CTNNA3: variants seen among roughly 807,000 people sequenced by gnomAD.
CTNNA3 encodes catenin alpha 3, also known as catenin alpha-3.
A neutral mutation model predicts 95.7 loss-of-function variants in CTNNA3; 76 were observed. That is an observed-to-expected ratio of 0.79 (90% CI 0.66 to 0.96). The LOEUF is 0.96. CTNNA3 is among the 40% of genes least tolerant of loss of function. The pLI is 0.00. For missense variants in CTNNA3, 1,191 were observed against 1,089.8 expected, an observed-to-expected ratio of 1.09 and a Z score of -1.31; for synonymous variants, 431 against 374.4, an observed-to-expected ratio of 1.15 and a Z score of -1.74.
chr10:66,383,959 A>G (rs1390657129), intron 11 of CTNNA3, among the ~76,000 whole-genome samples: 1 of 152,204 alleles, frequency 6.6e-6, no homozygotes, highest in Non-Finnish European at 1.5e-5. Context: ...TGAAACATGG[A>G]AAGAAACAAC....
chr10:67,477,423 G>A (rs901810778), intron 5 of CTNNA3, among the ~76,000 whole-genome samples: 2 of 152,084 alleles, frequency 1.3e-5, no homozygotes, highest in Non-Finnish European at 2.9e-5. Flanking sequence ...TGAAGCAACA[G>A]AGAGCTTCTC....
chr10:67,134,197 T>C (rs1283221536), intron 7 of CTNNA3, among the ~76,000 whole-genome samples: 2 of 152,088 alleles, frequency 1.3e-5, no homozygotes, highest in East Asian at 3.9e-4. Context: ...GTAAGTAAAT[T>C]AAAGAATTCT....
chr10:67,634,755 T>C (rs73270127), intron 2 of CTNNA3, among the ~76,000 whole-genome samples: 20,219 of 151,612 alleles, frequency 0.13, 2,420 homozygotes, highest in African/African-American at 0.32. Context: ...TGATAAAGGG[T>C]TCAAACTGAC....
At chr10:67,618,024 A>G (rs1843709794) in intron 2 of CTNNA3, among the ~76,000 whole-genome samples, 1 of 152,178 alleles carries the variant, frequency 6.6e-6, no homozygotes, top group African/African-American at 2.4e-5. Context: ...AAGATATTAA[A>G]TTAAGCAAAC....
chr10:66,992,829 C>G (rs910528536), intron 7 of CTNNA3, among the ~76,000 whole-genome samples: 11 of 152,096 alleles, frequency 7.2e-5, no homozygotes, highest in Non-Finnish European at 1.3e-4. Context: ...AATTTTAATG[C>G]CTTTTTAGTG....
chr10:66,197,378 CTAT>C (rs1230255748), intron 13 of CTNNA3, among the ~76,000 whole-genome samples: 1 of 151,564 alleles, frequency 6.6e-6, no homozygotes, highest in African/African-American at 2.4e-5. Context: ...ATCTATCTAT[CTAT>C]CATCTATCTA....
rs563862245 is a variant in CTNNA3, at chr10:66,355,899, A to G, written c.1732+23253T>C. Among the ~76,000 whole-genome samples the G allele has an allele frequency of 1.6e-4, 4 of 25,674 alleles. No homozygotes were observed. The East Asian group carries it at 0.22, about 1,426-fold the overall frequency. 16.8% of individuals were successfully genotyped at this position (25,674 alleles called of 152,430 possible). The stretch of plus-strand genomic sequence containing the variant: ...TAATGTAAGGCATAAGTTGAGGTTC[A>G]ATGTCTAAATTGTTCCAGCACCACT... On this transcript the variant is annotated intron_variant, in intron 12 of 17. Transcript: ENST00000433211.
At chr10:66,243,187 T>C (rs996752013) in intron 13 of CTNNA3, among the ~76,000 whole-genome samples, 2 of 152,176 alleles carry the variant, frequency 1.3e-5, no homozygotes, top group Non-Finnish European at 2.9e-5. Flanking sequence ...CAAAATGACA[T>C]ATACCAGGCC....
At chr10:66,194,564 G>C (rs910501530) in intron 13 of CTNNA3, among the ~76,000 whole-genome samples, 1 of 152,190 alleles carries the variant, frequency 6.6e-6, no homozygotes, top group Non-Finnish European at 1.5e-5. Context: ...TGGTGACAGA[G>C]AGAGAGACTC....
At chr10:67,435,231 G>C (rs1454915660) in intron 5 of CTNNA3, among the ~76,000 whole-genome samples, 1 of 151,834 alleles carries the variant, frequency 6.6e-6, no homozygotes, top group Non-Finnish European at 1.5e-5. Flanking sequence ...CAACAGCTCT[G>C]AAGTAAACCC....
At chr10:66,675,379 GA>G (rs1304636807) in intron 9 of CTNNA3, among the ~76,000 whole-genome samples, 1 of 151,326 alleles carries the variant, frequency 6.6e-6, no homozygotes, top group East Asian at 1.9e-4. Context: ...ATGAAGGGAA[GA>G]AAAAAAATGA....
At chr10:67,391,964 C>G (rs1267991738) in intron 5 of CTNNA3, among the ~76,000 whole-genome samples, 22 of 149,188 alleles carry the variant, frequency 1.5e-4, no homozygotes, top group South Asian at 4.3e-4. Flanking sequence ...AGAAGAAAAC[C>G]TAGGCATTAC....
At chr10:66,759,394 G>A (rs764915186) in intron 9 of CTNNA3, among the ~76,000 whole-genome samples, 3 of 152,118 alleles carry the variant, frequency 2.0e-5, no homozygotes, top group Non-Finnish European at 4.4e-5. Context: ...TCAAACCCAA[G>A]TCTGTCTCCA....
At chr10:67,398,611 A>G (rs1844803369) in intron 5 of CTNNA3, among the ~76,000 whole-genome samples, 1 of 152,134 alleles carries the variant, frequency 6.6e-6, no homozygotes, top group Admixed American at 6.5e-5. Context: ...ATGTGATGAC[A>G]CAAGATTTGG....
At chr10:66,569,972 T>C (rs1324419322) in intron 10 of CTNNA3, among the ~76,000 whole-genome samples, 1 of 152,166 alleles carries the variant, frequency 6.6e-6, no homozygotes, top group Non-Finnish European at 1.5e-5. Flanking sequence ...AGAGTGAGCA[T>C]AGGGAAGTTG....
intron 16 of CTNNA3, among the ~76,000 whole-genome samples, chr10:65,982,327 G>A (rs990471971): frequency 1.3e-4 from 20 of 151,018 alleles, no homozygotes; most frequent in Non-Finnish European, 2.8e-4. Context: ...GAATGGCCAT[G>A]ATCAGAAAAA....
intron 16 of CTNNA3, among the ~76,000 whole-genome samples, chr10:65,968,426 C>T (rs1300988321): frequency 6.6e-6 from 1 of 152,054 alleles, no homozygotes; most frequent in African/African-American, 2.4e-5. Context: ...CCTGCTGAGA[C>T]AGCCTGAGCT....
At chr10:67,528,954 A>G (rs1034403421) in intron 4 of CTNNA3, among the ~76,000 whole-genome samples, 5 of 152,202 alleles carry the variant, frequency 3.3e-5, no homozygotes, top group Admixed American at 2.6e-4. Flanking sequence ...TCTATTGTAC[A>G]TCATGGTGAC....
intron 15 of CTNNA3, among the ~76,000 whole-genome samples, chr10:66,058,556 T>G (rs1323297104): frequency 6.6e-6 from 1 of 152,054 alleles, no homozygotes; most frequent in African/African-American, 2.4e-5. Flanking sequence ...TTAAAACATC[T>G]CCCCCATTGT....
Sources: allele counts gnomAD v4.1 joint callset (sites outside exome capture counted in the v4.1 genomes callset), GRCh38; gene constraint gnomAD v4.1.1; transcripts MANE v1.5; gene names NCBI Gene and HGNC (gene_info 2026-07-23, HGNC 2026-07-21).